Variants in ZNF280D observed in about 807,000 individuals in gnomAD.
The protein encoded by ZNF280D is suppressor of hairy wing homolog 4.
A neutral mutation model predicts 94.7 loss-of-function variants in ZNF280D; 39 were observed. That is an observed-to-expected ratio of 0.41 (90% CI 0.32 to 0.54). The LOEUF (loss-of-function observed/expected upper bound fraction) is 0.54, where lower values mean the gene tolerates loss of function less well. Ranked by LOEUF, ZNF280D falls within the 20% of genes least tolerant of loss-of-function variation. ZNF280D has a pLI of 0.22. For missense variants in ZNF280D, 1,090 were observed against 1,149.3 expected (o/e 0.95, Z 0.75); for synonymous variants, 398 against 377.6 (o/e 1.05, Z -0.63).
chr15:56,685,120 A>G (rs2055908800), intron 9 of ZNF280D, among the ~76,000 whole-genome samples: 1 of 152,190 alleles, frequency 6.6e-6, no homozygotes, highest in African/African-American at 2.4e-5. Flanking sequence ...AATTTACTTT[A>G]TATTAGATCA....
At chr15:56,656,860 A>T (rs1250185055) in intron 17 of ZNF280D, among the ~76,000 whole-genome samples, 1 of 152,198 alleles carries the variant, frequency 6.6e-6, no homozygotes, top group Non-Finnish European at 1.5e-5. Flanking sequence ...GAATGCTGGG[A>T]TAAAGCAAAG....
chr15:56,719,990 C>T (rs767923376), intron 1 of ZNF280D, among the ~76,000 whole-genome samples: 1 of 150,006 alleles, frequency 6.7e-6, no homozygotes, highest in African/African-American at 2.5e-5. Context: ...TGGCTGCTGA[C>T]TAATCAGGGT....
chr15:56,700,315 G>T, intron 6 of ZNF280D: 1 of 477,640 alleles, frequency 2.1e-6, no homozygotes, highest in Non-Finnish European at 2.7e-6. Context: ...ATGAGCCTCA[G>T]TTTCCTCAAC....
At chr15:56,657,864 C>A (rs558804772) in intron 17 of ZNF280D, among the ~76,000 whole-genome samples, 2 of 152,126 alleles carry the variant, frequency 1.3e-5, no homozygotes, top group South Asian at 4.2e-4. Context: ...CAATTCCAAT[C>A]ATAAGTATAT....
chr15:56,689,895 G>T (rs145075154), intron 7 of ZNF280D, among the ~76,000 whole-genome samples: 1 of 152,014 alleles, frequency 6.6e-6, no homozygotes, highest in Non-Finnish European at 1.5e-5. Context: ...CAAAAATTTA[G>T]AGATACTCTT....
chr15:56,725,033 C>T (rs1037135899), intron 1 of ZNF280D: 28 of 351,524 alleles, frequency 8.0e-5, no homozygotes, highest in Middle Eastern at 4.4e-4. Flanking sequence ...GCAAGAGATA[C>T]GACAGAGATT....
At position 56,631,516 on chromosome 15, in the gene ZNF280D, G is replaced by A. The variant is rs8043381; in HGVS notation, c.2922C>T (p.Asp974=). The A allele has an allele frequency of 1, 1,606,497 of 1,609,718 alleles. 801,697 individuals are homozygous for A. The highest frequency in any genetic ancestry group is 1 in the East Asian group (44,774 of 44,774). Residue 974 remains aspartate (D), a synonymous_variant, in exon 22 of 22, where the codon GAC becomes GAT. Transcript: ENST00000267807. ...ACTAATTTCAACTTCTTTCTTTTTC[G>A]TCTTCCAGGTCTACTGTTGCCTCTG... ...STTEATVDLE[D]EKERS is the part of the protein sequence containing the mutation.
intron 6 of ZNF280D, chr15:56,698,039 G>C (rs1246756616): frequency 6.6e-6 from 1 of 152,270 alleles, no homozygotes. Context: ...TGTTTTAATA[G>C]GGTTTTAATT....
intron 16 of ZNF280D, among the ~76,000 whole-genome samples, chr15:56,660,946 G>A (rs2053900074): frequency 6.6e-6 from 1 of 151,782 alleles, no homozygotes. Flanking sequence ...AAGGCAAGCT[G>A]CCTGCCCTAG....
intron 19 of ZNF280D, among the ~76,000 whole-genome samples, chr15:56,651,121 G>A (rs1366731428): frequency 6.6e-6 from 1 of 152,200 alleles, no homozygotes; most frequent in African/African-American, 2.4e-5. Context: ...CAGGCACAAA[G>A]TAGATGCTCA....
At chr15:56,731,044 G>A (rs776191074) in intron 1 of ZNF280D, among the ~76,000 whole-genome samples, 31 of 152,072 alleles carry the variant, frequency 2.0e-4, no homozygotes, top group Non-Finnish European at 3.7e-4. Context: ...AAGTATTCCT[G>A]TCAAAAAAAT....
intron 9 of ZNF280D, among the ~76,000 whole-genome samples, chr15:56,685,224 T>C (rs1352065427): frequency 6.6e-6 from 1 of 152,142 alleles, no homozygotes; most frequent in African/African-American, 2.4e-5. Context: ...ATGAAATTAC[T>C]ACAGAATGAA....
chr15:56,664,313 A>C (rs2054148335), intron 16 of ZNF280D, among the ~76,000 whole-genome samples: 1 of 152,172 alleles, frequency 6.6e-6, no homozygotes, highest in Non-Finnish European at 1.5e-5. Flanking sequence ...GAAGACAAGA[A>C]ATAAGGAAAA....
At chr15:56,650,359 T>C (rs1414924482) in intron 19 of ZNF280D, among the ~76,000 whole-genome samples, 2 of 152,184 alleles carry the variant, frequency 1.3e-5, no homozygotes, top group African/African-American at 4.8e-5. Flanking sequence ...ACATTTTACA[T>C]ATTTCTAACA....
chr15:56,654,656 C>G, intron 17 of ZNF280D, 153 bp from the exon 18 acceptor site: 1 of 681,326 alleles, frequency 1.5e-6, no homozygotes, highest in South Asian at 1.9e-5. Context: ...TGACATTATT[C>G]TCTGGTAAAT....
In ZNF280D at chr15:56,654,808, T is replaced by C. The variant is rs778643897; in HGVS notation, c.2058-305A>G. ...GGCTCCACAACCAACTTGTGTAACT[T>C]AGGCAAGTCACATTCTATTTGTCCT... On this transcript the variant is annotated intron_variant, in intron 17 of 21. Coordinates refer to ENST00000267807, the MANE Select transcript of ZNF280D (RefSeq NM_017661.4). The C allele has an allele frequency of 4.6e-5, 22 of 481,408 alleles. No individual in the cohort carries two copies. In the East Asian group the frequency reaches 7.4e-4, roughly 16 times the overall value. 29.8% of individuals were successfully genotyped at this position (481,408 alleles called of 1,614,324 possible). A position where few individuals can be genotyped will look rare whatever the true frequency, so the allele number is the denominator to read the frequency against.
intron 13 of ZNF280D, among the ~76,000 whole-genome samples, chr15:56,675,610 T>C (rs1245258881): frequency 6.6e-6 from 1 of 152,028 alleles, no homozygotes; most frequent in Non-Finnish European, 1.5e-5. Flanking sequence ...AACCTTAGAA[T>C]AGATCTTGCC....
rs768264047 is a variant in ZNF280D at position 56,704,145 on chromosome 15, A to G, written c.151T>C (p.Ser51Pro). The change falls in exon 4 of 22, where the codon TCA (serine) becomes CCA (proline). Residue 51 changes from serine to proline, a missense_variant. This residue lies in a region of ZNF280D where 386 missense variants were observed against 372.0 expected (regional missense o/e 1.04). Transcript: ENST00000267807. ...DDEPIFVGEI[S>P]SSKPAISNIL... ...CTTGAAATTGCTGGTTTTGAACTTGATATCTCGCCAACAAAGATTGGCTCA... is the reference window on the plus strand; with the variant it reads ...CTTGAAATTGCTGGTTTTGAACTTGGTATCTCGCCAACAAAGATTGGCTCA... The G allele has an allele frequency of 3.6e-5, 58 of 1,613,604 alleles. No individual in the cohort carries two copies. The highest frequency in any genetic ancestry group is 4.7e-5 in the Non-Finnish European group (55 of 1,179,918).
At chr15:56,662,650 G>A (rs1359016594) in intron 16 of ZNF280D, among the ~76,000 whole-genome samples, 1 of 151,612 alleles carries the variant, frequency 6.6e-6, no homozygotes, top group Non-Finnish European at 1.5e-5. Flanking sequence ...CATGGTGAAA[G>A]CCCATCTCTA....
Sources: gnomAD v4.1 joint callset for allele counts (sites outside exome capture counted in the v4.1 genomes callset) on GRCh38, gnomAD v4.1.1 for gene constraint, gnomAD v4.1.1 regional missense constraint, MANE v1.5 for transcripts, NCBI Gene and HGNC (gene_info 2026-07-23, HGNC 2026-07-21) for gene names.